CACNA1C: variants seen among roughly 807,000 people sequenced by gnomAD.
CACNA1C encodes calcium voltage-gated channel subunit alpha1 C.
A neutral mutation model predicts 229.0 loss-of-function variants in CACNA1C; 30 were observed. The ratio of observed to expected loss-of-function variants is 0.13; its 90% CI spans 0.10 to 0.18. The LOEUF is 0.18. Among genes scored for constraint, CACNA1C ranks in the 10% least tolerant of loss-of-function variants. The pLI is 1.00. For synonymous variants in CACNA1C, 1,114 were observed against 1,132.5 expected, an observed-to-expected ratio of 0.98 and a Z score of 0.33; for missense variants, 1,658 against 2,845.0, an observed-to-expected ratio of 0.58 and a Z score of 9.49.
At chr12:2,413,972 C>T (rs945612897) in intron 3 of CACNA1C, among the ~76,000 whole-genome samples, 1 of 152,142 alleles carries the variant, frequency 6.6e-6, no homozygotes, top group African/African-American at 2.4e-5. Flanking sequence ...AAATAACCCC[C>T]CACCCAAGGC....
chr12:2,327,172 A>G (rs971146368), intron 3 of CACNA1C, among the ~76,000 whole-genome samples: 11 of 152,170 alleles, frequency 7.2e-5, no homozygotes, highest in African/African-American at 1.2e-4. Flanking sequence ...ATGAACTTCT[A>G]TGTTGTTTAA....
chr12:2,572,458 CT>C, intron 13 of CACNA1C, among the ~76,000 whole-genome samples: 1 of 50,206 alleles, frequency 2.0e-5, no homozygotes, highest in Non-Finnish European at 4.0e-5. Context: ...CCTCTTCCTC[CT>C]CCTCCTCTTC....
intron 3 of CACNA1C, among the ~76,000 whole-genome samples, chr12:2,310,938 GGCT>G (rs1165302288): frequency 6.6e-6 from 1 of 152,198 alleles, no homozygotes; most frequent in East Asian, 1.9e-4. Context: ...CAGAACCCAG[GGCT>G]GATGTCTGCA....
chr12:2,477,902 G>T lies in CACNA1C; in HGVS notation c.758-8202G>T, dbSNP rs142686203. ...ATCTTAATTTGAGTGTGAGGAGATGGTGGGACAACCTCGTAGAAATATCTA... is the reference window on the plus strand; with the variant it reads ...ATCTTAATTTGAGTGTGAGGAGATGTTGGGACAACCTCGTAGAAATATCTA... On this transcript the variant is annotated intron_variant, in intron 5 of 46. Coordinates refer to ENST00000399655, the MANE Select transcript of CACNA1C (RefSeq NM_000719.7). 2.2e-3 allele frequency among the ~76,000 whole-genome samples: 331 copies of T among 152,048 alleles called. 4 individuals are homozygous for T. Among genetic ancestry groups the T allele is most frequent in the African/African-American group, 7.5e-3 (312 of 41,472 alleles).
At chr12:2,340,012 A>T (rs1274425178) in intron 3 of CACNA1C, among the ~76,000 whole-genome samples, 1 of 152,250 alleles carries the variant, frequency 6.6e-6, no homozygotes, top group African/African-American at 2.4e-5. Context: ...TAAAAACTAT[A>T]TGTAATGACT....
intron 3 of CACNA1C, among the ~76,000 whole-genome samples, chr12:2,175,158 TAAAACGCAAGAG>T (rs1190013482): frequency 2.6e-5 from 4 of 152,208 alleles, no homozygotes; most frequent in African/African-American, 9.7e-5. Context: ...ACAATAACAG[TAAAACGCAAGAG>T]ATCCTTAACA....
intron 29 of CACNA1C, among the ~76,000 whole-genome samples, chr12:2,631,585 C>T (rs745479380): frequency 1.1e-4 from 16 of 152,188 alleles, no homozygotes; most frequent in South Asian, 2.1e-4. Flanking sequence ...AACCTGAGAG[C>T]GAATTGGTTA....
chr12:2,115,474 G>T lies in CACNA1C; in HGVS notation c.300G>T (p.Pro100=). Residue 100 remains proline, a synonymous_variant, in exon 2 of 47, where the codon CCG becomes CCT. Coordinates refer to ENST00000399655, the MANE Select transcript of CACNA1C (RefSeq NM_000719.7). The part of the protein sequence containing the change: ...KKQGSTTATR[P]PRALLCLTLK... ...AGGGCAGCACCACGGCCACACGCCC[G>T]CCCCGAGCCCTGCTCTGCCTGACCC... 6.2e-7 allele frequency: 1 copy of T among 1,613,450 alleles called. No individual in the cohort carries two copies. The highest frequency in any genetic ancestry group is 8.5e-7 in the Non-Finnish European group (1 of 1,179,900).
intron 3 of CACNA1C, among the ~76,000 whole-genome samples, chr12:2,396,149 ACT>A (rs921542864): frequency 6.6e-6 from 1 of 151,762 alleles, no homozygotes; most frequent in African/African-American, 2.4e-5. Context: ...TGGGTCTGAC[ACT>A]CTGATGGTCT....
At chr12:2,106,701 C>T (rs1352290613) in intron 1 of CACNA1C, among the ~76,000 whole-genome samples, 34 of 90,546 alleles carry the variant, frequency 3.8e-4, no homozygotes, top group East Asian at 1.2e-3. Context: ...GCGCCCACCC[C>T]GGGGAGGGTT....
intron 3 of CACNA1C, among the ~76,000 whole-genome samples, chr12:2,147,833 A>T (rs902712459): frequency 6.6e-6 from 1 of 150,958 alleles, no homozygotes; most frequent in African/African-American, 2.4e-5. Flanking sequence ...TGAAAAACCC[A>T]CCTCTTCACA....
chr12:2,549,538 T>G (rs1292294471), intron 9 of CACNA1C, among the ~76,000 whole-genome samples: 1 of 152,176 alleles, frequency 6.6e-6, no homozygotes, highest in Non-Finnish European at 1.5e-5. Context: ...GTGGGTGGGA[T>G]GAAGTAAGGA....
At chr12:2,204,943 A>AT (rs1200400116) in intron 3 of CACNA1C, among the ~76,000 whole-genome samples, 1 of 131,086 alleles carries the variant, frequency 7.6e-6, no homozygotes, top group Non-Finnish European at 1.7e-5. Context: ...TTAATAAAAA[A>AT]AAATAAATTA....
chr12:2,225,020 G>T (rs901453003), intron 3 of CACNA1C, among the ~76,000 whole-genome samples: 1 of 152,140 alleles, frequency 6.6e-6, no homozygotes, highest in East Asian at 1.9e-4. Context: ...ATGAATAAAC[G>T]TTCGCACTCT....
rs187965556 is a variant in CACNA1C at position 2,004,011 on chromosome 12, T to C, written c.139+32810T>C. Among the ~76,000 whole-genome samples, 97 of 152,290 alleles carry C rather than the reference T, an allele frequency of 6.4e-4. No individual in the cohort carries two copies. In the East Asian group the frequency reaches 0.015, roughly 24 times the overall value. ...GGTCCTTCCTTTCCTTCGGCTCTTA[T>C]GGTGCCGTACCCGATCGGTCTGGTC... On this transcript the variant is annotated intron_variant, in intron 1 of 46. Coordinates refer to the CACNA1C transcript ENST00000682462.
chr12:2,386,707 A>G (rs893719114), intron 3 of CACNA1C, among the ~76,000 whole-genome samples: 2 of 152,124 alleles, frequency 1.3e-5, no homozygotes, highest in South Asian at 4.1e-4. Flanking sequence ...CTTTCTGATT[A>G]TGTGTCTCTA....
intron 4 of CACNA1C, among the ~76,000 whole-genome samples, chr12:2,450,575 A>AAAAAAAAAAG: frequency 6.6e-6 from 1 of 150,724 alleles, no homozygotes; most frequent in African/African-American, 2.4e-5. Flanking sequence ...AAAAAAAAAA[A>AAAAAAAAAAG]AAACGCAGGT....
chr12:2,097,893 G>T (rs1473410975), intron 1 of CACNA1C, among the ~76,000 whole-genome samples: 1 of 152,242 alleles, frequency 6.6e-6, no homozygotes, highest in Non-Finnish European at 1.5e-5. Flanking sequence ...GGGAGTGGGG[G>T]ATGAGGCCGG....
chr12:2,159,361 AAC>A (rs2095716604), intron 3 of CACNA1C, among the ~76,000 whole-genome samples: 1 of 151,880 alleles, frequency 6.6e-6, no homozygotes, highest in Non-Finnish European at 1.5e-5. Flanking sequence ...TGGGTGTGGT[AAC>A]GTGTGCCTGT....
Sources: allele counts gnomAD v4.1 joint callset (sites outside exome capture counted in the v4.1 genomes callset), GRCh38; gene constraint gnomAD v4.1.1; transcripts MANE v1.5; gene names NCBI Gene and HGNC (gene_info 2026-07-23, HGNC 2026-07-21).